Variants in PDS5B observed in about 807,000 individuals in gnomAD.
PDS5B encodes the protein sister chromatid cohesion protein PDS5 homolog B.
Under a neutral mutation model 184.1 loss-of-function variants are expected in PDS5B, and 51 were observed. That is an observed-to-expected ratio of 0.28 (90% CI 0.22 to 0.35). The LOEUF (loss-of-function observed/expected upper bound fraction) is 0.35. PDS5B is among the 10% of genes least tolerant of loss of function. PDS5B has a pLI of 1.00. For missense variants in PDS5B, 1,180 were observed against 1,723.3 expected, an observed-to-expected ratio of 0.68 and a Z score of 5.58; for synonymous variants, 566 against 569.2, an observed-to-expected ratio of 0.99 and a Z score of 0.08.
intron 15 of PDS5B, among the ~76,000 whole-genome samples, chr13:32,699,463 A>T (rs1440951063): frequency 6.6e-6 from 1 of 152,214 alleles, no homozygotes; most frequent in African/African-American, 2.4e-5. Context: ...ATGCCTTTAA[A>T]TATTACAAGG....
intron 1 of PDS5B, among the ~76,000 whole-genome samples, chr13:32,632,080 T>C (rs895946856): frequency 2.0e-5 from 3 of 152,214 alleles, no homozygotes; most frequent in Non-Finnish European, 4.4e-5. Context: ...TGATCAATGA[T>C]GTAAATGTAA....
intron 21 of PDS5B, among the ~76,000 whole-genome samples, chr13:32,739,206 T>G (rs1428628077): frequency 6.6e-6 from 1 of 152,152 alleles, no homozygotes; most frequent in African/African-American, 2.4e-5. Context: ...ATTTCATTTT[T>G]GCTGCATGTT....
chr13:32,659,276 A>C lies in PDS5B; in HGVS notation c.620A>C (p.His207Pro). Residue 207 changes from histidine to proline, a missense_variant, in exon 6 of 35, where the codon CAT (histidine) becomes CCT (proline). His to Pro is a moderately conservative substitution (Grantham distance 77). Around this residue, in one of 11 missense-constraint regions of PDS5B, gnomAD observed 79 missense variants for 124.6 expected, o/e 0.63. Coordinates refer to ENST00000315596, the MANE Select transcript of PDS5B (RefSeq NM_015032.4). ...DTVLVNLVPAHKNLNKQAYDL... is the reference protein window; with the variant it reads ...DTVLVNLVPAPKNLNKQAYDL... The stretch of plus-strand genomic sequence containing the variant: ...GTTTTAGTAAATCTGGTACCTGCTC[A>C]TAAGGTGAGTAGCAATGTATACTGT... 1 of 1,584,912 alleles carries C rather than the reference A, an allele frequency of 6.3e-7. No individual in the cohort carries two copies. Among genetic ancestry groups the C allele is most frequent in the Non-Finnish European group, 8.6e-7 (1 of 1,161,442 alleles).
intron 1 of PDS5B, among the ~76,000 whole-genome samples, chr13:32,587,252 C>T (rs1439951821): frequency 1.3e-5 from 2 of 151,716 alleles, no homozygotes; most frequent in African/African-American, 4.8e-5. Context: ...TTGCACTGTC[C>T]CTCGCCGCTC....
At chr13:32,697,994 C>G (rs1248317292) in intron 15 of PDS5B, among the ~76,000 whole-genome samples, 3 of 152,058 alleles carry the variant, frequency 2.0e-5, no homozygotes, top group African/African-American at 7.2e-5. Flanking sequence ...GGCCTATCAC[C>G]TTTTTATAGT....
At chr13:32,633,433 C>T (rs1055076890) in intron 1 of PDS5B, among the ~76,000 whole-genome samples, 1 of 152,122 alleles carries the variant, frequency 6.6e-6, no homozygotes, top group African/African-American at 2.4e-5. Flanking sequence ...AAAAACAAAA[C>T]CAGCTATCCG....
At chr13:32,765,742 C>T (rs1294188880) in intron 31 of PDS5B, among the ~76,000 whole-genome samples, 1 of 152,140 alleles carries the variant, frequency 6.6e-6, no homozygotes, top group Admixed American at 6.5e-5. Flanking sequence ...TAACTGGGAC[C>T]ACAGGCATGT....
intron 24 of PDS5B, among the ~76,000 whole-genome samples, chr13:32,751,749 A>G (rs949723107): frequency 8.5e-5 from 13 of 152,184 alleles, no homozygotes; most frequent in Admixed American, 2.0e-4. Flanking sequence ...GATTCTGGAT[A>G]TTAGACTTTT....
rs189789661 is a variant in PDS5B, at chr13:32,718,189, C to T, written c.2123+8083C>T. On this transcript the variant is annotated intron_variant, in intron 19 of 34. Transcript: ENST00000315596. ...TTTTTGAGACGGAGTCTCGCTCTGT[C>T]GCCCAGGCTGGAGGGCAGTGGCATG... is the stretch of plus-strand genomic sequence containing the variant. Among the ~76,000 whole-genome samples, 560 of 149,924 alleles carry T rather than the reference C, an allele frequency of 3.7e-3. 5 individuals carry two copies. Among genetic ancestry groups the T allele is most frequent in the African/African-American group, 0.012 (507 of 40,852 alleles).
intron 6 of PDS5B, among the ~76,000 whole-genome samples, chr13:32,665,645 GGAATGAATTTCTT>G (rs1950774328): frequency 7.1e-6 from 1 of 139,894 alleles, no homozygotes; most frequent in African/African-American, 2.6e-5. Context: ...CCTCAAGATA[GGAATGAATTTCTT>G]AAGAAAGCTA....
chr13:32,599,651 A>G (rs1433611653), intron 1 of PDS5B, among the ~76,000 whole-genome samples: 1 of 151,058 alleles, frequency 6.6e-6, no homozygotes, highest in African/African-American at 2.4e-5. Context: ...GCGGTGACTC[A>G]TGCCTGTAAT....
chr13:32,690,270 A>G (rs978584320), intron 13 of PDS5B: 1 of 152,220 alleles, frequency 6.6e-6, no homozygotes, highest in Non-Finnish European at 1.5e-5. Context: ...CCTCCTTCCT[A>G]TGGTCCTACC....
chr13:32,651,892 A>AT lies in PDS5B; in HGVS notation c.204dup (p.Leu69SerfsTer5). 6.2e-7 allele frequency: 1 copy of AT among 1,613,178 alleles called. No homozygotes were observed. Among genetic ancestry groups the AT allele is most frequent in the Non-Finnish European group, 8.5e-7 (1 of 1,179,290 alleles). ...AACCTAGCTTTACATCTTGCTTCAG[A>AT]TTTTTTTCTCAAGCATCCTGATAAA... is the stretch of plus-strand genomic sequence containing the variant. On this transcript the variant is annotated frameshift_variant, in exon 3 of 35. Transcript: ENST00000315596. LOFTEE classifies it high-confidence loss of function.
intron 13 of PDS5B, chr13:32,690,116 A>G (rs1385696995): frequency 6.6e-6 from 1 of 152,224 alleles, no homozygotes; most frequent in Non-Finnish European, 1.5e-5. Flanking sequence ...TAAATAATAA[A>G]GGACTGTAAA....
intron 19 of PDS5B, among the ~76,000 whole-genome samples, chr13:32,722,413 C>T (rs544398792): frequency 6.6e-6 from 1 of 152,120 alleles, no homozygotes; most frequent in African/African-American, 2.4e-5. Flanking sequence ...TTTTTCAGTA[C>T]CTTTTCTATG....
At chr13:32,725,760 TAACTC>T (rs1269801206) in intron 19 of PDS5B, among the ~76,000 whole-genome samples, 1 of 152,214 alleles carries the variant, frequency 6.6e-6, no homozygotes, top group African/African-American at 2.4e-5. Context: ...TATTACATAA[TAACTC>T]AATTGCTTTA....
chr13:32,586,990 C>CCCGCCGCCGCCGCCGTCGCCG (rs541950918), intron 1 of PDS5B, among the ~76,000 whole-genome samples: 1 of 140,810 alleles, frequency 7.1e-6, no homozygotes, highest in Non-Finnish European at 1.6e-5. Context: ...CCCGCGCCCT[C>CCCGCCGCCGCCGCCGTCGCCG]CCGCCGCCGC....
intron 3 of PDS5B, 86 bp downstream of exon 3, chr13:32,652,093 A>T (rs937150939): frequency 1.3e-5 from 11 of 860,774 alleles, no homozygotes; most frequent in Non-Finnish European, 2.1e-5. Flanking sequence ...TATTTAGATG[A>T]TTTCCTTGGA....
chr13:32,751,020 C>G (rs1389460914), intron 24 of PDS5B, among the ~76,000 whole-genome samples: 1 of 152,156 alleles, frequency 6.6e-6, no homozygotes, highest in Admixed American at 6.5e-5. Flanking sequence ...GTTTTTCCAT[C>G]TTCACCCTCC....
Sources: allele counts gnomAD v4.1 joint callset (sites outside exome capture counted in the v4.1 genomes callset), GRCh38; gene constraint gnomAD v4.1.1; regional missense constraint gnomAD v4.1.1; transcripts MANE v1.5; gene names NCBI Gene and HGNC (gene_info 2026-07-23, HGNC 2026-07-21).